ROBO2: variants seen among roughly 807,000 people sequenced by gnomAD.
The protein encoded by ROBO2 is roundabout homolog 2.
ROBO2 carries 53 observed loss-of-function variants against 160.8 expected under a neutral mutation model. That is an observed-to-expected ratio of 0.33 (90% CI 0.26 to 0.41). The LOEUF (loss-of-function observed/expected upper bound fraction) is 0.41, where lower values mean the gene tolerates loss of function less well. ROBO2 is among the 10% of genes least tolerant of loss of function. The pLI, the probability that ROBO2 is intolerant of heterozygous loss-of-function variation, is 1.00. For synonymous variants in ROBO2, 664 were observed against 611.7 expected (o/e 1.09, Z -1.26); for missense variants, 1,577 against 1,722.4 (o/e 0.92, Z 1.49).
In ROBO2 at chr3:76,567,622, T is replaced by G. The variant is rs1185143492; in HGVS notation, c.110-530392T>G. On this transcript the variant is annotated intron_variant, in intron 2 of 26. Transcript: ENST00000487694. ...TATTTATGCTATACCAAACTACTGA[T>G]ATATATATATATATATATATATATA... Among the ~76,000 whole-genome samples, 48 of 54,062 alleles carry G rather than the reference T, an allele frequency of 8.9e-4. 3 individuals carry two copies. The highest frequency in any genetic ancestry group is 7.4e-3 in the South Asian group (11 of 1,484). The allele number at this position is 54,062 out of a possible 152,430, so 35.5% of individuals were successfully genotyped here.
intron 2 of ROBO2, among the ~76,000 whole-genome samples, chr3:76,776,901 T>C (rs1055109274): frequency 1.3e-5 from 2 of 150,994 alleles, no homozygotes; most frequent in Non-Finnish European, 3.0e-5. Flanking sequence ...AGCTGCCTTT[T>C]CCCTGTGGAT....
chr3:76,009,845 A>G (rs2066143454), intron 2 of ROBO2, among the ~76,000 whole-genome samples: 1 of 152,230 alleles, frequency 6.6e-6, no homozygotes, highest in Admixed American at 6.5e-5. Flanking sequence ...TTGACTCTGC[A>G]TTAGCCATTT....
intron 2 of ROBO2, among the ~76,000 whole-genome samples, chr3:77,002,798 C>A (rs1204381139): frequency 1.3e-5 from 2 of 151,862 alleles, no homozygotes; most frequent in African/African-American, 4.8e-5. Flanking sequence ...TCTGGCACAC[C>A]CATGAAAGTC....
intron 1 of ROBO2, among the ~76,000 whole-genome samples, chr3:75,910,749 T>C (rs1014070093): frequency 8.5e-5 from 13 of 152,294 alleles, no homozygotes; most frequent in Admixed American, 7.2e-4. Context: ...TAGGTAGGAA[T>C]TGTGAAGAGA....
intron 2 of ROBO2, among the ~76,000 whole-genome samples, chr3:75,975,936 T>C (rs1293478191): frequency 6.6e-6 from 1 of 151,438 alleles, no homozygotes; most frequent in Non-Finnish European, 1.5e-5. Context: ...TCTATTCCCA[T>C]CAAATCCCAA....
chr3:76,733,821 C>A (rs967612230), intron 2 of ROBO2, among the ~76,000 whole-genome samples: 45 of 152,284 alleles, frequency 3.0e-4, no homozygotes, highest in African/African-American at 1.0e-3. Context: ...ATGGCTTACA[C>A]AACATGCATT....
chr3:76,279,269 T>A (rs546182413), intron 2 of ROBO2, among the ~76,000 whole-genome samples: 103 of 151,802 alleles, frequency 6.8e-4, no homozygotes, highest in African/African-American at 2.1e-3. Flanking sequence ...AGATTTTTTT[T>A]AAAAAGAGCT....
intron 2 of ROBO2, among the ~76,000 whole-genome samples, chr3:76,690,645 T>C (rs985156565): frequency 3.3e-5 from 5 of 152,086 alleles, no homozygotes; most frequent in Non-Finnish European, 7.4e-5. Flanking sequence ...TATTTTTATA[T>C]TTATTATTGT....
intron 2 of ROBO2, among the ~76,000 whole-genome samples, chr3:76,116,055 A>G (rs1441074521): frequency 6.6e-6 from 1 of 152,200 alleles, no homozygotes; most frequent in Non-Finnish European, 1.5e-5. Context: ...TGTTAGAACC[A>G]GGTCTAGATT....
At chr3:76,101,046 A>G (rs1358008818) in intron 2 of ROBO2, among the ~76,000 whole-genome samples, 3 of 152,164 alleles carry the variant, frequency 2.0e-5, no homozygotes, top group African/African-American at 4.8e-5. Flanking sequence ...ACAGAGAGCC[A>G]AGGAAGCAAA....
intron 4 of ROBO2, among the ~76,000 whole-genome samples, chr3:77,491,163 T>C (rs1375198165): frequency 6.6e-6 from 1 of 152,122 alleles, no homozygotes; most frequent in Non-Finnish European, 1.5e-5. Flanking sequence ...TTCACCAGCT[T>C]GACCACTTAG....
intron 2 of ROBO2, among the ~76,000 whole-genome samples, chr3:76,094,689 C>T (rs984929523): frequency 2.2e-4 from 34 of 152,284 alleles, no homozygotes; most frequent in Middle Eastern, 3.4e-3. Flanking sequence ...AAGGAGAATT[C>T]ATTCTTCCTC....
intron 2 of ROBO2, among the ~76,000 whole-genome samples, chr3:77,236,368 C>T (rs1033352482): frequency 3.3e-5 from 5 of 152,242 alleles, no homozygotes; most frequent in South Asian, 4.2e-4. Context: ...AAATGTTCAT[C>T]GGACTTAAGG....
intron 2 of ROBO2, among the ~76,000 whole-genome samples, chr3:76,123,173 C>A (rs905421569): frequency 1.8e-4 from 27 of 149,964 alleles, no homozygotes; most frequent in African/African-American, 6.9e-4. Context: ...AGCAAATACT[C>A]TTTTTAATTC....
intron 2 of ROBO2, among the ~76,000 whole-genome samples, chr3:76,391,137 G>A (rs2077130369): frequency 6.6e-6 from 1 of 151,788 alleles, no homozygotes; most frequent in Non-Finnish European, 1.5e-5. Flanking sequence ...ACAGTATTTT[G>A]CATCTTGACT....
intron 2 of ROBO2, among the ~76,000 whole-genome samples, chr3:76,626,703 T>A (rs927785099): frequency 8.4e-4 from 128 of 152,150 alleles, no homozygotes; most frequent in African/African-American, 2.8e-3. Context: ...TCTTTTTTTT[T>A]TTCTTTTGAG....
intron 2 of ROBO2, among the ~76,000 whole-genome samples, chr3:77,100,786 T>C (rs1009020812): frequency 2.6e-5 from 4 of 152,110 alleles, no homozygotes; most frequent in African/African-American, 9.7e-5. Flanking sequence ...TAAAGACATG[T>C]AAAAATACTA....
chr3:76,797,417 C>T (rs111533145), intron 2 of ROBO2, among the ~76,000 whole-genome samples: 2,870 of 151,920 alleles, frequency 0.019, 75 homozygotes, highest in African/African-American at 0.065. Context: ...CATACCAAAA[C>T]CTATGGCATA....
chr3:76,443,745 A>G (rs2077036845), intron 2 of ROBO2, among the ~76,000 whole-genome samples: 1 of 152,172 alleles, frequency 6.6e-6, no homozygotes, highest in Non-Finnish European at 1.5e-5. Context: ...GAACTACACT[A>G]GACTGACTTA....
Sources: gnomAD v4.1 joint callset for allele counts (sites outside exome capture counted in the v4.1 genomes callset) on GRCh38, gnomAD v4.1.1 for gene constraint, MANE v1.5 for transcripts, NCBI Gene and HGNC (gene_info 2026-07-23, HGNC 2026-07-21) for gene names.